The following GUCY2C variants were observed in gnomAD, a reference collection of about 807,000 sequenced individuals.
GUCY2C encodes the protein guanylyl cyclase C.
GUCY2C carries 118 observed loss-of-function variants against 131.1 expected under a neutral mutation model. The ratio of observed to expected loss-of-function variants is 0.90; its 90% CI spans 0.78 to 1.05. GUCY2C has a LOEUF of 1.05. GUCY2C is among the 50% of genes least tolerant of loss of function. GUCY2C has a pLI of 0.00. For synonymous variants in GUCY2C, 452 were observed against 457.8 expected (o/e 0.99, Z 0.16); for missense variants, 1,161 against 1,304.4 (o/e 0.89, Z 1.69).
intron 5 of GUCY2C, 38 bp downstream of exon 5, chr12:14,681,318 G>A (rs1209096371): frequency 6.3e-7 from 1 of 1,594,720 alleles, no homozygotes; most frequent in East Asian, 2.2e-5. Context: ...TCATAAAGAA[G>A]AAGTTAGCAA....
At position 14,672,951 on chromosome 12, in the gene GUCY2C, G is replaced by T. The variant is rs544933759; in HGVS notation, c.1092C>A (p.Asp364Glu). The stretch of plus-strand genomic sequence containing the variant: ...CCCAGTCATCCAAGGTCACTGGACC[G>T]TCATACCCTAGGGCAAGATCAGAGT... ...AFRNLTFEGYDGPVTLDDWGD... is the reference protein window; with the variant it reads ...AFRNLTFEGYEGPVTLDDWGD... The change falls in exon 9 of 27, where the codon GAC (aspartate) becomes GAA (glutamate). Residue 364 changes from aspartate (D) to glutamate (E), a missense_variant. Transcript: ENST00000261170. 2 of 1,592,088 alleles carry T rather than the reference G, an allele frequency of 1.3e-6. No homozygotes were observed. The highest frequency in any genetic ancestry group is 1.7e-6 in the Non-Finnish European group (2 of 1,160,044).
intron 1 of GUCY2C, among the ~76,000 whole-genome samples, chr12:14,689,661 C>T (rs1030462432): frequency 3.3e-5 from 5 of 152,222 alleles, no homozygotes; most frequent in Middle Eastern, 3.4e-3. Context: ...CATCCCAAAC[C>T]AATTGTACAT....
chr12:14,672,974 A>AGTAT lies in GUCY2C; in HGVS notation c.1085-20_1085-17dup, dbSNP rs1333258747. ...CCGTCATACCCTAGGGCAAGATCAGAGTATGTTAGAGGCCATTCTTGATTT... is the reference window on the plus strand; with the variant it reads ...CCGTCATACCCTAGGGCAAGATCAGAGTATGTATGTTAGAGGCCATTCTTGATTT... On this transcript the variant is annotated splice_polypyrimidine_tract_variant and intron_variant, in intron 8 of 26. Transcript: ENST00000261170. 1 of 1,440,278 alleles carries AGTAT rather than the reference A, an allele frequency of 6.9e-7. No homozygotes were observed. Among genetic ancestry groups the AGTAT allele is most frequent in the Non-Finnish European group, 9.8e-7 (1 of 1,021,354 alleles). The allele number at this position is 1,440,278 out of a possible 1,614,324, so 89.2% of individuals were successfully genotyped here. A position where few individuals can be genotyped will look rare whatever the true frequency, so the allele number is the denominator to read the frequency against.
rs931324742 is a variant in GUCY2C at position 14,674,665 on chromosome 12, G to A, written c.1044C>T (p.Thr348=). Residue 348 remains threonine, a synonymous_variant, in exon 8 of 27, where the codon ACC becomes ACT. Transcript: ENST00000261170. ...TCCTGAAAGCATGAGCAAATTTGGGGGTGGTAATATTTTCTCCATTTTCAA... is the reference window on the plus strand; with the variant it reads ...TCCTGAAAGCATGAGCAAATTTGGGAGTGGTAATATTTTCTCCATTTTCAA... ...IFLENGENIT[T]PKFAHAFRNL... is the part of the protein sequence containing the mutation. 12 of 1,613,096 alleles carry A rather than the reference G, an allele frequency of 7.4e-6. No individual in the cohort carries two copies. The highest frequency in any genetic ancestry group is 4.5e-5 in the East Asian group (2 of 44,872).
In GUCY2C at chr12:14,621,147, T is replaced by C. The variant is rs1946887953; in HGVS notation, c.2671A>G (p.Ile891Val). Reference sequence around the variant, plus strand: ...TCCAAGGCCATCTTGGCAATGTCTATTGCATGCCGATTGCCATTTCTCTTA... The same window carrying C: ...TCCAAGGCCATCTTGGCAATGTCTACTGCATGCCGATTGCCATTTCTCTTA... ...LPKRNGNRHA[I>V]DIAKMALEIL... The change falls in exon 23 of 27, where the codon ATA becomes GTA. Residue 891 changes from isoleucine (I) to valine (V), a missense_variant. Coordinates refer to ENST00000261170, the MANE Select transcript of GUCY2C (RefSeq NM_004963.4). The C allele has an allele frequency of 6.2e-7, 1 of 1,613,670 alleles. No homozygotes were observed. Among genetic ancestry groups the C allele is most frequent in the Non-Finnish European group, 8.5e-7 (1 of 1,179,678 alleles).
Position 14,621,031 on chromosome 12 carries a change from C to A in GUCY2C, c.2776+11G>T, listed in dbSNP as rs1333075744. On this transcript the variant is annotated intron_variant, in intron 23 of 26. Transcript: ENST00000261170. Reference sequence around the variant, plus strand: ...ATGGTTCCCAATTTGCTAAGATGCTCAACTCCATACCAGAGTGAACTCCAA... The same window carrying A: ...ATGGTTCCCAATTTGCTAAGATGCTAAACTCCATACCAGAGTGAACTCCAA... 6.2e-7 allele frequency: 1 copy of A among 1,611,248 alleles called. No individual in the cohort carries two copies. Among genetic ancestry groups the A allele is most frequent in the Non-Finnish European group, 8.5e-7 (1 of 1,177,892 alleles).
At chr12:14,669,682 A>G (rs1361647410) in intron 10 of GUCY2C, 40 bp downstream of exon 10, 4 of 989,346 alleles carry the variant, frequency 4.0e-6, no homozygotes, top group Non-Finnish European at 4.7e-6. Flanking sequence ...TTACCAGGAA[A>G]ACAGTGTCAG....
rs992870090 is a variant in GUCY2C, at chr12:14,696,231, C to T, written c.217+1G>A. On this transcript the variant is annotated splice_donor_variant, in intron 1 of 26. Coordinates refer to ENST00000261170, the MANE Select transcript of GUCY2C (RefSeq NM_004963.4). LOFTEE classifies it high-confidence loss of function. ...GGAAGATTCTATTAACATTTTCTTACCAGCATTTTGCAGACGTCCTCTCAC... is the reference window on the plus strand; with the variant it reads ...GGAAGATTCTATTAACATTTTCTTATCAGCATTTTGCAGACGTCCTCTCAC... The T allele has an allele frequency of 5.6e-6, 9 of 1,610,318 alleles. No individual in the cohort carries two copies. The highest frequency in any genetic ancestry group is 7.6e-6 in the Non-Finnish European group (9 of 1,176,484).
rs186602928 is a variant in GUCY2C at position 14,655,957 on chromosome 12, G to A, written c.1470+555C>T. On this transcript the variant is annotated intron_variant, in intron 12 of 26. Transcript: ENST00000261170. ...CTGTTTCTTAATCTTTTGTCCTTCA[G>A]TTTCCTCATCAGCAAAATTATGATA... 1.2e-3 allele frequency among the ~76,000 whole-genome samples: 182 copies of A among 152,264 alleles called. 1 individual carries two copies. Among genetic ancestry groups the A allele is most frequent in the Non-Finnish European group, 2.2e-4 (15 of 68,018 alleles).
chr12:14,686,019 A>G, intron 3 of GUCY2C, 142 bp downstream of exon 3: 4 of 601,366 alleles, frequency 6.7e-6, no homozygotes, highest in Non-Finnish European at 3.0e-6. Context: ...TTACCTGGAT[A>G]AGAGAATGAC....
intron 6 of GUCY2C, among the ~76,000 whole-genome samples, chr12:14,678,331 G>A (rs78823900): frequency 0.026 from 3,949 of 152,314 alleles, 91 homozygotes; most frequent in Non-Finnish European, 0.039. Context: ...GTCTAATTTA[G>A]TCTCATTAGC....
intron 11 of GUCY2C, among the ~76,000 whole-genome samples, chr12:14,658,747 TAATC>T (rs1282184432): frequency 6.6e-6 from 1 of 152,092 alleles, no homozygotes; most frequent in Non-Finnish European, 1.5e-5. Flanking sequence ...GATTTTCACA[TAATC>T]AAACATTTAA....
chr12:14,621,276 G>T lies in GUCY2C; in HGVS notation c.2602-60C>A, dbSNP rs935696510. 5 of 1,412,194 alleles carry T rather than the reference G, an allele frequency of 3.5e-6. No individual in the cohort carries two copies. In the African/African-American group the frequency reaches 7.1e-5, roughly 20 times the overall value. The allele number at this position is 1,412,194 out of a possible 1,614,324, so 87.5% of individuals were successfully genotyped here. A position where few individuals can be genotyped will look rare whatever the true frequency, so the allele number is the denominator to read the frequency against. On this transcript the variant is annotated intron_variant, in intron 22 of 26. Coordinates refer to ENST00000261170, the MANE Select transcript of GUCY2C (RefSeq NM_004963.4). ...CTTTGAAAAGTATAGAAAGTAAACAGAAGCAGTTAATCACATGTCAAACAC... is the reference window on the plus strand; with the variant it reads ...CTTTGAAAAGTATAGAAAGTAAACATAAGCAGTTAATCACATGTCAAACAC...
At position 14,656,540 on chromosome 12, in the gene GUCY2C, G is replaced by C. The variant is rs1469079392; in HGVS notation, c.1442C>G (p.Thr481Ser). 1.9e-6 allele frequency: 3 copies of C among 1,593,168 alleles called. No homozygotes were observed. Among genetic ancestry groups the C allele is most frequent in the Non-Finnish European group, 2.6e-6 (3 of 1,161,174 alleles). ...IPPENIFPLE[T>S]NETNHVSLKI... ...GAGGCTAACATGATTGGTCTCATTGGTCTCCAGAGGAAAGATATTTTCAGG... is the reference window on the plus strand; with the variant it reads ...GAGGCTAACATGATTGGTCTCATTGCTCTCCAGAGGAAAGATATTTTCAGG... The change falls in exon 12 of 27, where the codon ACC becomes AGC. Residue 481 changes from threonine to serine, a missense_variant. Physicochemically the swap from Thr to Ser is moderately conservative, Grantham distance 58. Transcript: ENST00000261170.
chr12:14,665,032 T>C (rs1442255539), intron 10 of GUCY2C, among the ~76,000 whole-genome samples: 1 of 151,864 alleles, frequency 6.6e-6, no homozygotes, highest in Non-Finnish European at 1.5e-5. Flanking sequence ...GCCAACATGG[T>C]GAAACCCCGT....
At chr12:14,674,387 T>G (rs1948181630) in intron 8 of GUCY2C, 1 of 546,654 alleles carries the variant, frequency 1.8e-6, no homozygotes, top group Non-Finnish European at 3.3e-6. Context: ...GTACAGAACC[T>G]GCGCTACCTG....
intron 19 of GUCY2C, among the ~76,000 whole-genome samples, chr12:14,631,181 A>T (rs1947136204): frequency 6.6e-6 from 1 of 152,206 alleles, no homozygotes; most frequent in Non-Finnish European, 1.5e-5. Flanking sequence ...TTATCCCACA[A>T]GGAACAAAAG....
intron 10 of GUCY2C, among the ~76,000 whole-genome samples, chr12:14,662,665 G>C (rs1038051231): frequency 8.0e-5 from 10 of 124,636 alleles, no homozygotes; most frequent in African/African-American, 2.9e-4. Context: ...GACACAATGA[G>C]ACTCCGTCTC....
At chr12:14,692,836 C>T (rs765188404) in intron 1 of GUCY2C, among the ~76,000 whole-genome samples, 33 of 151,916 alleles carry the variant, frequency 2.2e-4, no homozygotes, top group Non-Finnish European at 1.0e-4. Context: ...GCAACAAGAA[C>T]GATACTCTGT....
Sources: gnomAD v4.1 joint callset for allele counts (sites outside exome capture counted in the v4.1 genomes callset) on GRCh38, gnomAD v4.1.1 for gene constraint, MANE v1.5 for transcripts, NCBI Gene and HGNC (gene_info 2026-07-23, HGNC 2026-07-21) for gene names.